GAS7: variants seen among roughly 807,000 people sequenced by gnomAD.
GAS7 encodes the protein growth arrest-specific protein 7.
A neutral mutation model predicts 71.1 loss-of-function variants in GAS7; 28 were observed. The ratio of observed to expected loss-of-function variants is 0.39; its 90% CI spans 0.29 to 0.54. The LOEUF (loss-of-function observed/expected upper bound fraction) is 0.54, where lower values mean the gene tolerates loss of function less well. GAS7 is among the 20% of genes least tolerant of loss of function. The pLI, the probability that GAS7 is intolerant of heterozygous loss-of-function variation, is 0.62. For missense variants in GAS7, 436 were observed against 627.8 expected (o/e 0.69, Z 3.27); for synonymous variants, 258 against 245.8 (o/e 1.05, Z -0.46).
chr17:10,180,266 G>A (rs930405198), intron 1 of GAS7, among the ~76,000 whole-genome samples: 2 of 149,078 alleles, frequency 1.3e-5, no homozygotes, highest in Non-Finnish European at 3.0e-5. Context: ...GCTTGAACCC[G>A]AGAGGCGGAG....
intron 9 of GAS7, among the ~76,000 whole-genome samples, chr17:9,932,616 A>G (rs1419755020): frequency 3.3e-5 from 5 of 152,206 alleles, no homozygotes; most frequent in Admixed American, 3.3e-4. Context: ...AGTCGGAGAG[A>G]AAACCTGGAG....
At chr17:10,194,332 C>T (rs571468908) in intron 1 of GAS7, among the ~76,000 whole-genome samples, 4 of 152,298 alleles carry the variant, frequency 2.6e-5, no homozygotes, top group African/African-American at 9.6e-5. Context: ...TCCCCAGGTC[C>T]CTAATTTCTT....
rs144866512 is a variant in GAS7, at chr17:9,936,328, G to A, written c.807-2084C>T. Among the ~76,000 whole-genome samples, 641 of 152,294 alleles carry A rather than the reference G, an allele frequency of 4.2e-3. 1 individual carries two copies. Among genetic ancestry groups the A allele is most frequent in the African/African-American group, 0.015 (612 of 41,546 alleles). On this transcript the variant is annotated intron_variant, in intron 8 of 13. Transcript: ENST00000432992. ...CAGAGCCAAAAAGGCCCCAGGCGGTGCCCAGACTTTGTATGAGCACATGCA... is the reference window on the plus strand; with the variant it reads ...CAGAGCCAAAAAGGCCCCAGGCGGTACCCAGACTTTGTATGAGCACATGCA...
chr17:10,082,660 GTGAAAATGTGTC>G (rs1567584226), intron 1 of GAS7, among the ~76,000 whole-genome samples: 1 of 152,200 alleles, frequency 6.6e-6, no homozygotes, highest in African/African-American at 2.4e-5. Context: ...TGCCAGAAAA[GTGAAAATGTGTC>G]CGAAAAACCT....
intron 2 of GAS7, among the ~76,000 whole-genome samples, chr17:10,001,165 A>G (rs7210903): frequency 0.24 from 35,809 of 152,018 alleles, 6,447 homozygotes; most frequent in African/African-American, 0.51. Context: ...TCGAGCAGGA[A>G]AGAGGGAAGA....
At chr17:10,066,646 A>G (rs1056993634) in intron 1 of GAS7, among the ~76,000 whole-genome samples, 7 of 152,200 alleles carry the variant, frequency 4.6e-5, no homozygotes, top group Admixed American at 3.3e-4. Context: ...TACAAGGTCA[A>G]TTTTTTTAAA....
rs1024692429 is a variant in GAS7, at chr17:9,981,297, GAAAC to G, written c.385+503_385+506del. 3.9e-5 allele frequency among the ~76,000 whole-genome samples: 6 copies of G among 151,952 alleles called. No homozygotes were observed. Among genetic ancestry groups the G allele is most frequent in the Admixed American group, 2.6e-4 (4 of 15,256 alleles). The stretch of plus-strand genomic sequence containing the variant: ...CAGAATGAGACCCTGTCTCAAAAGA[GAAAC>G]AAACAAACAAACAAAAAAGAACGTC... On this transcript the variant is annotated intron_variant, in intron 3 of 13. Transcript: ENST00000432992. The surrounding 1 kb of genome is among the most constrained non-coding windows in gnomAD (Gnocchi z 4.4).
intron 9 of GAS7, among the ~76,000 whole-genome samples, chr17:9,933,517 G>T (rs2068281936): frequency 6.6e-6 from 1 of 152,166 alleles, no homozygotes; most frequent in South Asian, 2.1e-4. Flanking sequence ...GAAATGATAT[G>T]AACTTATAAT....
intron 2 of GAS7, among the ~76,000 whole-genome samples, chr17:9,999,714 C>T (rs1464755094): frequency 6.6e-6 from 1 of 152,064 alleles, no homozygotes; most frequent in Non-Finnish European, 1.5e-5. Flanking sequence ...TTCAGGCACA[C>T]AGAAAAAGTC....
chr17:10,166,155 C>A (rs1028337773), intron 1 of GAS7, among the ~76,000 whole-genome samples: 1 of 152,134 alleles, frequency 6.6e-6, no homozygotes, highest in Non-Finnish European at 1.5e-5. Flanking sequence ...TCCCAAGTGG[C>A]TGGGACTACA....
intron 5 of GAS7, among the ~76,000 whole-genome samples, chr17:9,958,562 C>G (rs1012014215): frequency 1.4e-5 from 2 of 147,276 alleles, no homozygotes; most frequent in African/African-American, 5.0e-5. Context: ...CTGTGCCCCT[C>G]AGGGGGCAAT....
chr17:9,983,788 AAAAT>A (rs982889885), intron 2 of GAS7, among the ~76,000 whole-genome samples: 4 of 152,228 alleles, frequency 2.6e-5, no homozygotes, highest in Non-Finnish European at 5.9e-5. Context: ...CTCCATCTCA[AAAAT>A]AAATAAACAA....
At chr17:10,075,516 T>G (rs566915646) in intron 1 of GAS7, among the ~76,000 whole-genome samples, 1 of 151,898 alleles carries the variant, frequency 6.6e-6, no homozygotes, top group Non-Finnish European at 1.5e-5. Context: ...CAAAAAGAAA[T>G]AAATAAATGA....
At chr17:10,117,626 T>C (rs927228985) in intron 1 of GAS7, among the ~76,000 whole-genome samples, 4 of 152,130 alleles carry the variant, frequency 2.6e-5, no homozygotes, top group African/African-American at 9.7e-5. Context: ...CATCAGCCAC[T>C]GTAGGGCTTC....
chr17:10,078,086 T>G (rs1277986842), intron 1 of GAS7, among the ~76,000 whole-genome samples: 3 of 150,336 alleles, frequency 2.0e-5, no homozygotes, highest in African/African-American at 4.9e-5. Context: ...TGTGTTTTGT[T>G]TTGTTTTGTT....
At chr17:10,007,176 T>C (rs1370735519) in intron 2 of GAS7, among the ~76,000 whole-genome samples, 3 of 152,128 alleles carry the variant, frequency 2.0e-5, no homozygotes, top group East Asian at 3.9e-4. Flanking sequence ...AAATATAAAG[T>C]TGACATTTTT....
At chr17:10,123,074 G>A (rs2073917834) in intron 1 of GAS7, among the ~76,000 whole-genome samples, 1 of 152,088 alleles carries the variant, frequency 6.6e-6, no homozygotes, top group Non-Finnish European at 1.5e-5. Flanking sequence ...TCAAGCAATC[G>A]GCCTGCCTTG....
chr17:9,939,088 G>T (rs1434591597), intron 8 of GAS7, among the ~76,000 whole-genome samples: 2 of 152,188 alleles, frequency 1.3e-5, no homozygotes, highest in African/African-American at 4.8e-5. Flanking sequence ...TATGAATATT[G>T]CTGCTGTGTA....
intron 13 of GAS7, 149 bp downstream of exon 13, chr17:9,917,852 G>A (rs1436960329): frequency 2.6e-5 from 16 of 612,058 alleles, no homozygotes; most frequent in Admixed American, 5.9e-5. Context: ...CCCAGTCCAC[G>A]AGGCCACCCC....
Sources: allele counts gnomAD v4.1 joint callset (sites outside exome capture counted in the v4.1 genomes callset), GRCh38; gene constraint gnomAD v4.1.1; non-coding constraint Gnocchi (gnomAD v3.1); transcripts MANE v1.5; gene names NCBI Gene and HGNC (gene_info 2026-07-23, HGNC 2026-07-21).